YPEL2: variants seen among roughly 807,000 people sequenced by gnomAD.
YPEL2 encodes yippee like 2, also known as protein yippee-like 2.
In YPEL2, 2 loss-of-function variants were observed where a neutral mutation model predicts 19.1. The ratio of observed to expected loss-of-function variants is 0.10; its 90% confidence interval spans 0.04 to 0.33. The LOEUF is 0.33. YPEL2 is among the 10% of genes least tolerant of loss of function. The pLI, the probability that YPEL2 is intolerant of heterozygous loss-of-function variation, is 1.00. For synonymous variants in YPEL2, 52 were observed against 50.0 expected, an observed-to-expected ratio of 1.04 and a Z score of -0.17; for missense variants, 66 against 140.7, an observed-to-expected ratio of 0.47 and a Z score of 2.68.
chr17:59,369,724 C>T (rs1055069574), intron 2 of YPEL2, among the ~76,000 whole-genome samples: 1 of 152,232 alleles, frequency 6.6e-6, no homozygotes, highest in African/African-American at 2.4e-5. Flanking sequence ...ACGTGCTGTC[C>T]CTAATGTCCG....
At chr17:59,339,851 C>T (rs543640984) in intron 1 of YPEL2, among the ~76,000 whole-genome samples, 1 of 152,208 alleles carries the variant, frequency 6.6e-6, no homozygotes, top group African/African-American at 2.4e-5. Flanking sequence ...CCCTCATAGA[C>T]GCATAACAGG....
chr17:59,397,266 G>A lies in YPEL2; in HGVS notation c.*76G>A. 3 of 1,204,944 alleles carry A rather than the reference G, an allele frequency of 2.5e-6. No homozygotes were observed. The highest frequency in any genetic ancestry group is 4.0e-4 in the Middle Eastern group (2 of 5,020). The allele number at this position is 1,204,944 out of a possible 1,614,324, so 74.6% of individuals were successfully genotyped here. ...ACATTCTTCCCAAGCGTGAGAGAGTGACTGACACTTGGTTCCATCCATTTA... is the reference window on the plus strand; with the variant it reads ...ACATTCTTCCCAAGCGTGAGAGAGTAACTGACACTTGGTTCCATCCATTTA... On this transcript the variant is annotated 3_prime_UTR_variant, in exon 5 of 5. Coordinates refer to ENST00000312655, the MANE Select transcript of YPEL2 (RefSeq NM_001005404.4).
intron 1 of YPEL2, among the ~76,000 whole-genome samples, chr17:59,338,692 C>T (rs1050034272): frequency 6.6e-5 from 10 of 152,106 alleles, no homozygotes; most frequent in South Asian, 2.1e-4. Flanking sequence ...TAGAGCACTC[C>T]GTGGGAGTGG....
At chr17:59,342,723 GCT>G (rs926029789) in intron 1 of YPEL2, among the ~76,000 whole-genome samples, 1 of 152,212 alleles carries the variant, frequency 6.6e-6, no homozygotes, top group Non-Finnish European at 1.5e-5. Flanking sequence ...GGCACATTTG[GCT>G]CTCTCGTCTG....
At chr17:59,376,805 C>T (rs2047923117) in intron 2 of YPEL2, among the ~76,000 whole-genome samples, 1 of 151,706 alleles carries the variant, frequency 6.6e-6, no homozygotes, top group South Asian at 2.1e-4. Flanking sequence ...AGAAAATAGT[C>T]AGGCGTGGTG....
rs1161479684 is a variant in YPEL2, at chr17:59,400,086, C to T, written c.*2896C>T. On this transcript the variant is annotated 3_prime_UTR_variant, in exon 5 of 5. Transcript: ENST00000312655. ...TGGCCACCTTGGAGTAGACCCAGAC[C>T]CCTCGGGACCCGGGACATTAGTCTC... is the stretch of plus-strand genomic sequence containing the variant. The T allele has an allele frequency of 6.6e-6, 1 of 152,604 alleles. No individual in the cohort carries two copies. Among genetic ancestry groups the T allele is most frequent in the African/African-American group, 2.4e-5 (1 of 41,410 alleles). 9.5% of individuals were successfully genotyped at this position (152,604 alleles called of 1,614,324 possible).
intron 2 of YPEL2, among the ~76,000 whole-genome samples, chr17:59,371,506 CTG>C (rs776932484): frequency 1.4e-4 from 22 of 152,200 alleles, no homozygotes; most frequent in African/African-American, 4.8e-4. Flanking sequence ...CAAGCAAACT[CTG>C]TGTTTGTGTG....
At chr17:59,388,644 C>G (rs2047992979) in intron 3 of YPEL2, among the ~76,000 whole-genome samples, 1 of 152,174 alleles carries the variant, frequency 6.6e-6, no homozygotes, top group Non-Finnish European at 1.5e-5. Flanking sequence ...ATTCTGAGAG[C>G]CTCAACCTGA....
rs115275777 is a variant in YPEL2 at position 59,397,468 on chromosome 17, G to A, written c.*278G>A. On this transcript the variant is annotated 3_prime_UTR_variant, in exon 5 of 5. Transcript: ENST00000312655. ...CAACAAAAGGAACAGATCCTTGACC[G>A]CATGGCGGCAGCCCACCTTGGTAAG... 7.5e-4 allele frequency: 188 copies of A among 250,150 alleles called. No homozygotes were observed. The highest frequency in any genetic ancestry group is 3.7e-3 in the African/African-American group (164 of 44,870). The allele number at this position is 250,150 out of a possible 1,614,324, so 15.5% of individuals were successfully genotyped here.
chr17:59,394,323 A>C (rs1169687456), intron 4 of YPEL2, among the ~76,000 whole-genome samples: 1 of 139,432 alleles, frequency 7.2e-6, no homozygotes, highest in Non-Finnish European at 1.5e-5. Context: ...ACGGCTCCTC[A>C]CTTCCCAGAC....
intron 1 of YPEL2, among the ~76,000 whole-genome samples, chr17:59,344,231 G>A (rs1027600155): frequency 6.6e-6 from 1 of 152,168 alleles, no homozygotes; most frequent in African/African-American, 2.4e-5. Context: ...GGGTTCAGGA[G>A]TAGAAGGCAC....
intron 2 of YPEL2, among the ~76,000 whole-genome samples, chr17:59,383,887 G>GTATATCC (rs2047967155): frequency 6.6e-6 from 1 of 151,694 alleles, no homozygotes; most frequent in Non-Finnish European, 1.5e-5. Context: ...GTAGTATATG[G>GTATATCC]ATATACCAAT....
intron 4 of YPEL2, among the ~76,000 whole-genome samples, chr17:59,391,375 T>C (rs771723937): frequency 2.0e-5 from 3 of 152,114 alleles, no homozygotes; most frequent in Non-Finnish European, 4.4e-5. Flanking sequence ...TCTGCTCAAT[T>C]TTGCTGTGAC....
intron 1 of YPEL2, among the ~76,000 whole-genome samples, chr17:59,351,905 A>C (rs1158721222): frequency 1.3e-5 from 2 of 152,198 alleles, no homozygotes; most frequent in Admixed American, 6.5e-5. Flanking sequence ...CTAGTTAGTT[A>C]GTTGGCCACT....
intron 1 of YPEL2, among the ~76,000 whole-genome samples, chr17:59,344,596 A>G (rs1460088565): frequency 6.6e-6 from 1 of 152,134 alleles, no homozygotes; most frequent in African/African-American, 2.4e-5. Flanking sequence ...CGTCTCTACT[A>G]AAAATACAAA....
chr17:59,340,596 C>G (rs988104979), intron 1 of YPEL2, among the ~76,000 whole-genome samples: 2 of 150,866 alleles, frequency 1.3e-5, no homozygotes, highest in African/African-American at 2.4e-5. Flanking sequence ...TTTATACTTT[C>G]AGTAGAGACG....
At chr17:59,367,404 C>A (rs551787527) in intron 2 of YPEL2, among the ~76,000 whole-genome samples, 17 of 152,294 alleles carry the variant, frequency 1.1e-4, no homozygotes, top group Admixed American at 2.0e-4. Flanking sequence ...CAAAGGTCTG[C>A]AAAACTTTTT....
intron 2 of YPEL2, among the ~76,000 whole-genome samples, chr17:59,377,903 T>C (rs967991900): frequency 1.3e-5 from 2 of 152,242 alleles, no homozygotes; most frequent in Admixed American, 6.5e-5. Flanking sequence ...GTTTATTAAA[T>C]GCTTTTTATG....
intron 2 of YPEL2, among the ~76,000 whole-genome samples, chr17:59,379,770 C>T (rs1051831975): frequency 4.6e-5 from 7 of 152,010 alleles, no homozygotes; most frequent in Non-Finnish European, 7.4e-5. Flanking sequence ...TGAATTATAT[C>T]TCAATTTTTA....
Sources: allele counts gnomAD v4.1 joint callset (sites outside exome capture counted in the v4.1 genomes callset), GRCh38; gene constraint gnomAD v4.1.1; transcripts MANE v1.5; gene names NCBI Gene and HGNC (gene_info 2026-07-23, HGNC 2026-07-21).